The following DLGAP2 variants were observed in gnomAD, a reference collection of about 807,000 sequenced individuals.
DLGAP2 encodes disks large-associated protein 2.
A neutral mutation model predicts 100.3 loss-of-function variants in DLGAP2; 26 were observed. The ratio of observed to expected loss-of-function variants is 0.26; its 90% CI spans 0.19 to 0.36. DLGAP2 has a LOEUF of 0.36. Ranked by LOEUF, DLGAP2 falls within the 10% of genes least tolerant of loss-of-function variation. The probability of loss-of-function intolerance (pLI) is 1.00; values close to 1 mark genes in which losing one functional copy is unlikely to be tolerated. For missense variants in DLGAP2, 1,858 were observed against 1,453.2 expected, an observed-to-expected ratio of 1.28 and a Z score of -4.53; for synonymous variants, 886 against 630.1, an observed-to-expected ratio of 1.41 and a Z score of -6.08.
chr8:1,520,573 G>A (rs371390936), intron 4 of DLGAP2, among the ~76,000 whole-genome samples: 68 of 152,116 alleles, frequency 4.5e-4, no homozygotes, highest in Middle Eastern at 3.4e-3. Context: ...AAAATCCTGC[G>A]TGCTCCCCCT....
intron 3 of DLGAP2, among the ~76,000 whole-genome samples, chr8:1,319,083 G>A (rs1050072328): frequency 7.2e-5 from 11 of 152,198 alleles, no homozygotes; most frequent in African/African-American, 1.7e-4. Context: ...GAGACTTGGC[G>A]GGATTAGCGG....
At chr8:980,842 C>T (rs1180210433) in intron 2 of DLGAP2, among the ~76,000 whole-genome samples, 1 of 152,006 alleles carries the variant, frequency 6.6e-6, no homozygotes, top group Non-Finnish European at 1.5e-5. Flanking sequence ...GAGTGGACAA[C>T]GGGCAGCAGT....
At chr8:1,174,408 AAAT>A in intron 2 of DLGAP2, among the ~76,000 whole-genome samples, 1 of 150,978 alleles carries the variant, frequency 6.6e-6, no homozygotes, top group South Asian at 2.1e-4. Context: ...ACCATCACCA[AAAT>A]CATTATCATT....
At chr8:1,391,545 A>T in intron 3 of DLGAP2, among the ~76,000 whole-genome samples, 1 of 152,196 alleles carries the variant, frequency 6.6e-6, no homozygotes, top group Non-Finnish European at 1.5e-5. Context: ...TGTTTTTATC[A>T]GTTGGAGCGC....
At chr8:931,530 G>A (rs984322535) in intron 2 of DLGAP2, among the ~76,000 whole-genome samples, 1 of 152,154 alleles carries the variant, frequency 6.6e-6, no homozygotes, top group African/African-American at 2.4e-5. Context: ...TTATTTTTAG[G>A]CACTGCCACT....
At chr8:1,309,778 C>A (rs1410616087) in intron 3 of DLGAP2, among the ~76,000 whole-genome samples, 1 of 152,132 alleles carries the variant, frequency 6.6e-6, no homozygotes, top group Non-Finnish European at 1.5e-5. Flanking sequence ...TCTATGTTAC[C>A]GTGCACTCAA....
chr8:1,582,771 A>G (rs1434364927), intron 6 of DLGAP2, among the ~76,000 whole-genome samples: 4 of 152,058 alleles, frequency 2.6e-5, no homozygotes, highest in Admixed American at 1.3e-4. Context: ...TGTATTTTAT[A>G]TTTTTAGTAG....
chr8:1,680,239 G>C (rs967057948), intron 12 of DLGAP2, among the ~76,000 whole-genome samples: 1 of 152,130 alleles, frequency 6.6e-6, no homozygotes, highest in East Asian at 1.9e-4. Context: ...TATAAATGCT[G>C]AACTTCAAAA....
intron 3 of DLGAP2, among the ~76,000 whole-genome samples, chr8:1,295,422 C>G (rs1018091114): frequency 6.6e-6 from 1 of 152,176 alleles, no homozygotes; most frequent in African/African-American, 2.4e-5. Context: ...AAGCTTCTTC[C>G]GGCCGCCAGG....
intron 2 of DLGAP2, among the ~76,000 whole-genome samples, chr8:1,126,296 A>C (rs1216422134): frequency 6.6e-6 from 1 of 152,198 alleles, no homozygotes. Flanking sequence ...CATATATAAA[A>C]ATATATTTCC....
chr8:1,105,249 G>A (rs768782627), intron 2 of DLGAP2, among the ~76,000 whole-genome samples: 1 of 152,170 alleles, frequency 6.6e-6, no homozygotes, highest in Non-Finnish European at 1.5e-5. Flanking sequence ...AATTACAACC[G>A]TGGTGCCTGA....
intron 2 of DLGAP2, among the ~76,000 whole-genome samples, chr8:1,205,650 A>G (rs188069405): frequency 4.6e-5 from 7 of 152,216 alleles, no homozygotes; most frequent in African/African-American, 9.6e-5. Context: ...CGCCTCGGGA[A>G]AGGCACAGGT....
intron 1 of DLGAP2, among the ~76,000 whole-genome samples, chr8:781,363 G>A (rs1423249069): frequency 6.6e-6 from 1 of 151,934 alleles, no homozygotes; most frequent in East Asian, 1.9e-4. Flanking sequence ...GATTCCTAAA[G>A]CTATTCATGG....
At position 778,884 on chromosome 8, in the gene DLGAP2, C is replaced by A. The variant is rs569710904; in HGVS notation, c.18+41059C>A. The stretch of plus-strand genomic sequence containing the variant: ...TGGGCTCCACCCAGTTCGAGCTTCC[C>A]GGCTGCTTTGTTTACCTAAGCAAGC... On this transcript the variant is annotated intron_variant, in intron 1 of 14. Transcript: ENST00000637795. Among the ~76,000 whole-genome samples, 127 of 152,348 alleles carry A rather than the reference C, an allele frequency of 8.3e-4. 1 individual carries two copies. Among genetic ancestry groups the A allele is most frequent in the Admixed American group, 6.7e-3 (102 of 15,310 alleles).
intron 3 of DLGAP2, among the ~76,000 whole-genome samples, chr8:1,463,139 C>T (rs76867917): frequency 2.0e-5 from 3 of 152,108 alleles, no homozygotes; most frequent in Non-Finnish European, 4.4e-5. Flanking sequence ...ATCCCCGCTA[C>T]TCGGGAGGCT....
chr8:753,799 T>C (rs562701128), intron 1 of DLGAP2: 1 of 152,264 alleles, frequency 6.6e-6, no homozygotes. Flanking sequence ...TACTTGTTAT[T>C]TTCCTTGAGG....
At chr8:866,942 G>A (rs1392572800) in intron 1 of DLGAP2, among the ~76,000 whole-genome samples, 1 of 152,140 alleles carries the variant, frequency 6.6e-6, no homozygotes, top group Non-Finnish European at 1.5e-5. Flanking sequence ...TGGAGATGGT[G>A]TCTTCATCCC....
At chr8:1,089,809 A>G (rs901270576) in intron 2 of DLGAP2, among the ~76,000 whole-genome samples, 1 of 152,218 alleles carries the variant, frequency 6.6e-6, no homozygotes, top group Non-Finnish European at 1.5e-5. Flanking sequence ...TCGCTTTTGT[A>G]TGGATTCCAC....
chr8:1,265,111 G>A (rs540240433), intron 3 of DLGAP2, among the ~76,000 whole-genome samples: 4 of 152,252 alleles, frequency 2.6e-5, no homozygotes, highest in African/African-American at 7.2e-5. Context: ...AAATGGAATA[G>A]TACAGGGAAT....
Sources: gnomAD v4.1 joint callset for allele counts (sites outside exome capture counted in the v4.1 genomes callset) on GRCh38, gnomAD v4.1.1 for gene constraint, MANE v1.5 for transcripts, NCBI Gene and HGNC (gene_info 2026-07-23, HGNC 2026-07-21) for gene names.